The following CASD1 variants were observed in gnomAD, a reference collection of about 807,000 sequenced individuals.
The protein encoded by CASD1 is N-acetylneuraminate (7)9-O-acetyltransferase.
CASD1 carries 41 observed loss-of-function variants against 100.0 expected under a neutral mutation model. The observed-to-expected ratio is 0.41, with a 90% confidence interval of 0.32 to 0.53. The LOEUF (loss-of-function observed/expected upper bound fraction) is 0.53. CASD1 is among the 20% of genes least tolerant of loss of function. The pLI is 0.25. For missense variants in CASD1, 774 were observed against 948.7 expected (o/e 0.82, Z 2.42); for synonymous variants, 321 against 315.6 (o/e 1.02, Z -0.18).
chr7:94,573,741 T>C, the CASD1 span, among the ~76,000 whole-genome samples: 2 of 152,150 alleles, frequency 1.3e-5, no homozygotes, highest in Middle Eastern at 3.2e-3. Context: ...GCTTGATTGT[T>C]CTGGCTAGGA....
intron 5 of CASD1, among the ~76,000 whole-genome samples, chr7:94,531,219 T>G (rs1433704165): frequency 2.0e-5 from 3 of 152,034 alleles, no homozygotes; most frequent in Non-Finnish European, 4.4e-5. Flanking sequence ...AGGACAAGAT[T>G]GATACTATGA....
the CASD1 span, among the ~76,000 whole-genome samples, chr7:94,609,963 CT>C: frequency 6.6e-6 from 1 of 152,146 alleles, no homozygotes; most frequent in Admixed American, 6.5e-5. Context: ...CCAAGATGTC[CT>C]CCAGTAGGTG....
At chr7:94,561,287 A>G (rs757607403), downstream of CASD1, among the ~76,000 whole-genome samples, 4 of 152,170 alleles carry the variant, frequency 2.6e-5, no homozygotes, top group Non-Finnish European at 5.9e-5. Context: ...GAGCTCTTAT[A>G]GTTTAGAAAC....
the CASD1 span, chr7:94,587,534 G>A: frequency 7.7e-7 from 1 of 1,299,612 alleles, no homozygotes; most frequent in Non-Finnish European, 9.7e-7. Context: ...AAATAGCTGT[G>A]AAATTAGTGG....
chr7:94,561,818 A>G (rs1375750719), downstream of CASD1, among the ~76,000 whole-genome samples: 1 of 152,150 alleles, frequency 6.6e-6, no homozygotes, highest in Non-Finnish European at 1.5e-5. Context: ...TGTGGTTAAC[A>G]GTATTTATAA....
chr7:94,541,537 G>GTTTTTTTTTTTTTTTTTTTTTT (rs56786123), intron 10 of CASD1, among the ~76,000 whole-genome samples: 1 of 60,084 alleles, frequency 1.7e-5, no homozygotes. Flanking sequence ...TGTTCCACTG[G>GTTTTTTTTTTTTTTTTTTTTTT]TTTTTTTTTT....
chr7:94,577,685 T>C, the CASD1 span, among the ~76,000 whole-genome samples: 2 of 152,228 alleles, frequency 1.3e-5, no homozygotes, highest in African/African-American at 4.8e-5. Context: ...AAGCTTTTCC[T>C]GGTAAGTTCT....
Position 94,544,458 on chromosome 7 carries a change from A to G in CASD1, c.1404A>G (p.Leu468=), listed in dbSNP as rs752858911. Residue 468 remains leucine (L), a synonymous_variant, in exon 11 of 18, where the codon TTA becomes TTG. Transcript: ENST00000297273. ...TTCGAGTTCTGGTTGCTGCATATTT[A>G]TTTCAGACAGGGTATGGGCATTTCT... is the stretch of plus-strand genomic sequence containing the variant. ...MHIRVLVAAY[L]FQTGYGHFSY... 1 of 1,613,388 alleles carries G rather than the reference A, an allele frequency of 6.2e-7. No homozygotes were observed. The highest frequency in any genetic ancestry group is 8.5e-7 in the Non-Finnish European group (1 of 1,179,574).
intron 1 of CASD1, among the ~76,000 whole-genome samples, chr7:94,510,469 G>A (rs748888429): frequency 3.9e-5 from 6 of 152,226 alleles, no homozygotes; most frequent in Non-Finnish European, 8.8e-5. Context: ...TGGGGTCGGG[G>A]GCGCCAACCC....
chr7:94,566,771 A>G, the CASD1 span, among the ~76,000 whole-genome samples: 1 of 152,090 alleles, frequency 6.6e-6, no homozygotes, highest in African/African-American at 2.4e-5. Flanking sequence ...ACAGAGTAAA[A>G]TTATTGAGTC....
At chr7:94,623,270 A>G in the CASD1 span, 1 of 1,113,016 alleles carries the variant, frequency 9.0e-7, no homozygotes, top group Non-Finnish European at 1.3e-6. Context: ...TAGTTATAAA[A>G]CATAATGAAA....
chr7:94,615,813 A>G, the CASD1 span, among the ~76,000 whole-genome samples: 1 of 152,158 alleles, frequency 6.6e-6, no homozygotes, highest in East Asian at 1.9e-4. Flanking sequence ...CAGCCATGAC[A>G]TGCCTGGAAT....
chr7:94,605,980 C>T, the CASD1 span, among the ~76,000 whole-genome samples: 1 of 152,082 alleles, frequency 6.6e-6, no homozygotes, highest in Admixed American at 6.6e-5. Flanking sequence ...AGGTGCCCGC[C>T]ACCACACCCA....
intron 8 of CASD1, among the ~76,000 whole-genome samples, chr7:94,536,357 G>T (rs1241599392): frequency 6.6e-6 from 1 of 152,204 alleles, no homozygotes; most frequent in East Asian, 1.9e-4. Context: ...GGTTAAGTAT[G>T]AAGGAGAACT....
At chr7:94,533,159 C>T (rs773012240) in intron 5 of CASD1, 46 bp from the exon 6 acceptor site, 3 of 1,404,516 alleles carry the variant, frequency 2.1e-6, no homozygotes, top group Non-Finnish European at 3.0e-6. Context: ...TGTAGTAATT[C>T]CCTGAACTGA....
At chr7:94,569,012 A>G in the CASD1 span, among the ~76,000 whole-genome samples, 2 of 152,210 alleles carry the variant, frequency 1.3e-5, no homozygotes, top group East Asian at 3.9e-4. Flanking sequence ...TAAGCAAACT[A>G]TTCACAGAAA....
the CASD1 span, among the ~76,000 whole-genome samples, chr7:94,622,973 T>C: frequency 6.6e-6 from 1 of 152,136 alleles, no homozygotes; most frequent in Non-Finnish European, 1.5e-5. Context: ...AGACAGGCTC[T>C]CACCCTATCA....
In CASD1 at chr7:94,539,043, C is replaced by G. The variant is rs897031929; in HGVS notation, c.1343C>G (p.Ser448Cys). The part of the protein sequence containing the change: ...MQLVILIYHI[S>C]GASTFLPVYM... ...CTTGTGATTTTGATTTATCACATTTCTGGAGCAAGTACAGTAAGTATTTGG... is the reference window on the plus strand; with the variant it reads ...CTTGTGATTTTGATTTATCACATTTGTGGAGCAAGTACAGTAAGTATTTGG... Residue 448 changes from serine to cysteine, a missense_variant, in exon 10 of 18, where the codon TCT becomes TGT. Ser to Cys is a moderately radical substitution (Grantham distance 112, BLOSUM62 -1). Coordinates refer to ENST00000297273, the MANE Select transcript of CASD1 (RefSeq NM_022900.5). The G allele has an allele frequency of 3.1e-6, 5 of 1,592,122 alleles. No homozygotes were observed. The highest frequency in any genetic ancestry group is 3.3e-5 in the Admixed American group (2 of 59,862).
At chr7:94,519,341 A>G (rs1794137145) in intron 3 of CASD1, among the ~76,000 whole-genome samples, 1 of 152,178 alleles carries the variant, frequency 6.6e-6, no homozygotes, top group Non-Finnish European at 1.5e-5. Context: ...GGGAAAGTCG[A>G]ACACAAGAAA....
Sources: allele counts gnomAD v4.1 joint callset (sites outside exome capture counted in the v4.1 genomes callset), GRCh38; gene constraint gnomAD v4.1.1; transcripts MANE v1.5; gene names NCBI Gene and HGNC (gene_info 2026-07-23, HGNC 2026-07-21).